PLEKHM3: variants seen among roughly 807,000 people sequenced by gnomAD.
PLEKHM3 encodes pleckstrin homology domain containing M3, also known as pleckstrin homology domain-containing family M member 3.
A neutral mutation model predicts 81.8 loss-of-function variants in PLEKHM3; 45 were observed. That is an observed-to-expected ratio of 0.55 (90% CI 0.43 to 0.71). The LOEUF is 0.71. Among genes scored for constraint, PLEKHM3 ranks in the 30% least tolerant of loss-of-function variants. The probability of loss-of-function intolerance (pLI) is 0.00; values close to 1 mark genes in which losing one functional copy is unlikely to be tolerated. For missense variants in PLEKHM3, 788 were observed against 924.3 expected (o/e 0.85, Z 1.91); for synonymous variants, 352 against 356.4 (o/e 0.99, Z 0.14).
At chr2:207,909,915 A>G (rs918972678) in intron 5 of PLEKHM3, among the ~76,000 whole-genome samples, 3 of 152,258 alleles carry the variant, frequency 2.0e-5, no homozygotes, top group Non-Finnish European at 4.4e-5. Flanking sequence ...AATATTGATT[A>G]AGCACACATT....
chr2:207,939,213 T>C (rs560586539), intron 4 of PLEKHM3, among the ~76,000 whole-genome samples: 10 of 152,306 alleles, frequency 6.6e-5, no homozygotes, highest in African/African-American at 1.9e-4. Flanking sequence ...TTTTATCTAA[T>C]ACACACATGG....
chr2:207,871,685 T>C (rs971433972), intron 6 of PLEKHM3, among the ~76,000 whole-genome samples: 8 of 152,108 alleles, frequency 5.3e-5, no homozygotes, highest in Admixed American at 2.6e-4. Context: ...AGGGTTGTGG[T>C]TTAGTTAAAC....
At chr2:207,916,979 C>CTGA (rs1360818172) in intron 5 of PLEKHM3, among the ~76,000 whole-genome samples, 1 of 152,074 alleles carries the variant, frequency 6.6e-6, no homozygotes, top group African/African-American at 2.4e-5. Flanking sequence ...TTTTACAGTG[C>CTGA]TGATATTGGT....
intron 6 of PLEKHM3, among the ~76,000 whole-genome samples, chr2:207,887,214 A>G (rs1687910811): frequency 6.6e-6 from 1 of 152,272 alleles, no homozygotes; most frequent in Non-Finnish European, 1.5e-5. Context: ...TGGCTAGAGA[A>G]TAAGAATGAC....
chr2:207,840,236 G>T (rs1009041), intron 7 of PLEKHM3, among the ~76,000 whole-genome samples: 42,517 of 152,114 alleles, frequency 0.28, 6,088 homozygotes, highest in Middle Eastern at 0.36. Flanking sequence ...GCCCAGGCTG[G>T]AGTGCAAGTG....
intron 2 of PLEKHM3, among the ~76,000 whole-genome samples, chr2:207,988,335 G>A (rs554028432): frequency 6.6e-6 from 1 of 152,250 alleles, no homozygotes; most frequent in South Asian, 2.1e-4. Context: ...TACTGCCTAC[G>A]TGACCGCTGA....
intron 1 of PLEKHM3, among the ~76,000 whole-genome samples, chr2:208,021,482 G>A (rs28463196): frequency 0.13 from 20,476 of 151,776 alleles, 1,558 homozygotes; most frequent in African/African-American, 0.18. Context: ...TCTATATCTT[G>A]TTTTCTTTAA....
In PLEKHM3 at chr2:207,823,003, A is replaced by G. The variant is rs928917445; in HGVS notation, c.*5316T>C. The G allele has an allele frequency of 6.6e-6, 1 of 152,336 alleles. No homozygotes were observed. Among genetic ancestry groups the G allele is most frequent in the Admixed American group, 6.5e-5 (1 of 15,278 alleles). The allele number at this position is 152,336 out of a possible 1,614,324, so 9.4% of individuals were successfully genotyped here. On this transcript the variant is annotated 3_prime_UTR_variant, in exon 8 of 8. Coordinates refer to ENST00000427836, the MANE Select transcript of PLEKHM3 (RefSeq NM_001080475.3). The stretch of plus-strand genomic sequence containing the variant: ...AAGAGAGAGGCTGGTTTGCAGCTTC[A>G]CGGCCAATAGGAGGGAGCCCTCCTA...
intron 6 of PLEKHM3, among the ~76,000 whole-genome samples, chr2:207,889,458 CACACACA>C (rs1687983599): frequency 1.3e-5 from 2 of 150,736 alleles, no homozygotes; most frequent in African/African-American, 4.9e-5. Flanking sequence ...CACACACACA[CACACACA>C]CACACACACA....
intron 3 of PLEKHM3, among the ~76,000 whole-genome samples, chr2:207,972,975 C>T (rs73064869): frequency 0.014 from 2,135 of 152,298 alleles, 49 homozygotes; most frequent in African/African-American, 0.048. Context: ...TACAATCTTC[C>T]ACTTCTAAAG....
chr2:207,908,772 G>A (rs938758035), intron 5 of PLEKHM3, among the ~76,000 whole-genome samples, 195 bp from the exon 6 acceptor site: 4 of 152,170 alleles, frequency 2.6e-5, no homozygotes, highest in African/African-American at 7.2e-5. Flanking sequence ...ACACCAGAAT[G>A]GAGGTAAAAG....
chr2:207,974,058 A>T (rs1363417901), intron 3 of PLEKHM3, among the ~76,000 whole-genome samples: 13 of 152,154 alleles, frequency 8.5e-5, no homozygotes, highest in Admixed American at 5.2e-4. Flanking sequence ...CTGATTCCGT[A>T]CTACTACCCT....
At chr2:208,020,811 A>G (rs1264780485) in intron 1 of PLEKHM3, among the ~76,000 whole-genome samples, 1 of 152,232 alleles carries the variant, frequency 6.6e-6, no homozygotes, top group Admixed American at 6.5e-5. Flanking sequence ...ATGGGGCCAC[A>G]GACACTCTCT....
intron 5 of PLEKHM3, among the ~76,000 whole-genome samples, chr2:207,912,107 A>G (rs1488825379): frequency 1.3e-5 from 2 of 152,224 alleles, no homozygotes; most frequent in Non-Finnish European, 2.9e-5. Context: ...AGATACTTCA[A>G]TGAATACAAC....
intron 1 of PLEKHM3, among the ~76,000 whole-genome samples, chr2:208,010,244 C>T (rs1692643891): frequency 6.6e-6 from 1 of 152,218 alleles, no homozygotes; most frequent in South Asian, 2.1e-4. Context: ...CATTTGCTGC[C>T]TCAGAAACCT....
At chr2:207,850,090 C>T (rs1047706133) in intron 7 of PLEKHM3, among the ~76,000 whole-genome samples, 2 of 152,148 alleles carry the variant, frequency 1.3e-5, no homozygotes, top group African/African-American at 4.8e-5. Flanking sequence ...GGAGGCAACT[C>T]GCTTTCTAGC....
chr2:207,904,080 C>T (rs1215861751), intron 6 of PLEKHM3, among the ~76,000 whole-genome samples: 2 of 152,144 alleles, frequency 1.3e-5, no homozygotes, highest in South Asian at 4.1e-4. Flanking sequence ...TCCATGCATC[C>T]ACACACGCTG....
chr2:207,913,530 C>T (rs1688877880), intron 5 of PLEKHM3, among the ~76,000 whole-genome samples: 1 of 152,046 alleles, frequency 6.6e-6, no homozygotes, highest in South Asian at 2.1e-4. Context: ...GTAAGGAAGA[C>T]TCTCATGAGG....
At chr2:208,013,850 C>A (rs1692784692) in intron 1 of PLEKHM3, among the ~76,000 whole-genome samples, 2 of 152,142 alleles carry the variant, frequency 1.3e-5, no homozygotes, top group Admixed American at 6.5e-5. Flanking sequence ...CAACAACCGG[C>A]TTATGGCTTA....
Sources: allele counts gnomAD v4.1 joint callset (sites outside exome capture counted in the v4.1 genomes callset), GRCh38; gene constraint gnomAD v4.1.1; transcripts MANE v1.5; gene names NCBI Gene and HGNC (gene_info 2026-07-23, HGNC 2026-07-21).